TRNAU1AP: variants seen among roughly 807,000 people sequenced by gnomAD.
TRNAU1AP encodes the protein tRNA selenocysteine 1-associated protein 1.
TRNAU1AP carries 33 observed loss-of-function variants against 43.3 expected under a neutral mutation model. The ratio of observed to expected loss-of-function variants is 0.76; its 90% confidence interval spans 0.58 to 1.02. The LOEUF (loss-of-function observed/expected upper bound fraction) is 1.02. TRNAU1AP is among the 50% of genes least tolerant of loss of function. TRNAU1AP has a pLI of 0.00. For synonymous variants in TRNAU1AP, 143 were observed against 129.1 expected (o/e 1.11, Z -0.73); for missense variants, 290 against 362.7 (o/e 0.80, Z 1.63).
chr1:28,558,560 ATTTTTTTTTTT>A (rs756554853), intron 2 of TRNAU1AP, among the ~76,000 whole-genome samples: 1 of 88,336 alleles, frequency 1.1e-5, no homozygotes, highest in Non-Finnish European at 2.1e-5. Flanking sequence ...CGCCCGACTA[ATTTTTTTTTTT>A]TTTTTTTTTT....
chr1:28,570,277 C>T (rs947955585), intron 6 of TRNAU1AP, among the ~76,000 whole-genome samples: 1 of 151,774 alleles, frequency 6.6e-6, no homozygotes, highest in African/African-American at 2.4e-5. Flanking sequence ...AACAGAGTTT[C>T]ACTTTTATTG....
At chr1:28,572,329 G>A (rs914115199) in intron 8 of TRNAU1AP, among the ~76,000 whole-genome samples, 1 of 152,024 alleles carries the variant, frequency 6.6e-6, no homozygotes, top group Non-Finnish European at 1.5e-5. Context: ...GAGTAGCTGG[G>A]ATTACGGGCA....
intron 3 of TRNAU1AP, 30 bp downstream of exon 3, chr1:28,560,762 C>T: frequency 6.6e-7 from 1 of 1,521,938 alleles, no homozygotes; most frequent in South Asian, 1.1e-5. Context: ...GATGATGTTG[C>T]CATTATTATT....
intron 4 of TRNAU1AP, among the ~76,000 whole-genome samples, chr1:28,563,316 G>T (rs934990515): frequency 1.3e-5 from 2 of 152,008 alleles, no homozygotes; most frequent in African/African-American, 4.8e-5. Flanking sequence ...TTGGGAGGCT[G>T]AGACGGGCAG....
intron 4 of TRNAU1AP, among the ~76,000 whole-genome samples, chr1:28,561,987 AC>A (rs60135161): frequency 0.12 from 18,318 of 152,058 alleles, 2,634 homozygotes; most frequent in African/African-American, 0.35. Flanking sequence ...CAGGAGGCTC[AC>A]CTGAGCCCAG....
intron 5 of TRNAU1AP, among the ~76,000 whole-genome samples, chr1:28,566,056 C>A (rs1665529743): frequency 6.6e-6 from 1 of 152,194 alleles, no homozygotes; most frequent in Non-Finnish European, 1.5e-5. Context: ...GTGGCTCACG[C>A]CTGTAATCCC....
intron 5 of TRNAU1AP, among the ~76,000 whole-genome samples, chr1:28,566,086 G>C (rs932974336): frequency 1.3e-5 from 2 of 152,090 alleles, no homozygotes; most frequent in Non-Finnish European, 2.9e-5. Context: ...GGAGACAGGC[G>C]GGTGGATCAC....
chr1:28,573,491 T>C (rs796980728), intron 8 of TRNAU1AP, among the ~76,000 whole-genome samples: 14 of 150,652 alleles, frequency 9.3e-5, no homozygotes, highest in Non-Finnish European at 1.9e-4. Flanking sequence ...ATAAAAAAAT[T>C]GCCAGGCGCG....
intron 8 of TRNAU1AP, among the ~76,000 whole-genome samples, chr1:28,574,390 G>C (rs1377258204): frequency 6.6e-6 from 1 of 151,392 alleles, no homozygotes; most frequent in African/African-American, 2.4e-5. Context: ...GCCCGGCCAA[G>C]TATTTATAAT....
In TRNAU1AP at chr1:28,565,795, A is replaced by AAAAAAAAAG. The variant is rs766241740; in HGVS notation, c.410+967_410+968insAAGAAAAAA. The AAAAAAAAAG allele has an allele frequency of 2.0e-5, 3 of 150,798 alleles. 1 individual carries two copies. The highest frequency in any genetic ancestry group is 4.4e-5 in the Non-Finnish European group (3 of 67,828). 9.3% of individuals were successfully genotyped at this position (150,798 alleles called of 1,614,324 possible). On this transcript the variant is annotated intron_variant, in intron 5 of 8. Transcript: ENST00000373830. ...GAGCAAGATTCTGTCTCAAATAAAA[A>AAAAAAAAAG]AAAAAAGAAAAAATGGAAATCGAAG...
intron 8 of TRNAU1AP, 90 bp from the exon 9 acceptor site, chr1:28,577,410 A>G (rs1665815483): frequency 6.9e-7 from 1 of 1,459,316 alleles, no homozygotes; most frequent in Non-Finnish European, 9.4e-7. Context: ...GGACCTTACC[A>G]TAGAACAGAG....
At chr1:28,561,042 T>C in intron 3 of TRNAU1AP, 2 of 1,345,442 alleles carry the variant, frequency 1.5e-6, no homozygotes, top group African/African-American at 1.5e-5. Context: ...TCTTGCCTGA[T>C]TGGGAAACTA....
chr1:28,561,011 G>A (rs909405456), intron 3 of TRNAU1AP: 2 of 1,309,112 alleles, frequency 1.5e-6, no homozygotes, highest in Non-Finnish European at 9.8e-7. Flanking sequence ...TCCCATAACC[G>A]AAGACTTGAA....
chr1:28,575,225 A>AC (rs1665747699), intron 8 of TRNAU1AP, among the ~76,000 whole-genome samples: 2 of 150,298 alleles, frequency 1.3e-5, no homozygotes, highest in Admixed American at 6.6e-5. Context: ...CACGATCTCG[A>AC]CCCACTGTAA....
At chr1:28,557,349 G>C (rs1173906721) in intron 2 of TRNAU1AP, among the ~76,000 whole-genome samples, 1 of 151,516 alleles carries the variant, frequency 6.6e-6, no homozygotes, top group East Asian at 2.0e-4. Context: ...GAACCCGGGA[G>C]GTGGAGCTTG....
At chr1:28,563,511 C>T (rs1043519427) in intron 4 of TRNAU1AP, among the ~76,000 whole-genome samples, 2 of 151,934 alleles carry the variant, frequency 1.3e-5, no homozygotes, top group Non-Finnish European at 2.9e-5. Flanking sequence ...GGTGAAACCC[C>T]GTCTCTACTA....
intron 6 of TRNAU1AP, 54 bp from the exon 7 acceptor site, chr1:28,571,122 C>T: frequency 6.5e-7 from 1 of 1,546,006 alleles, no homozygotes; most frequent in African/African-American, 1.4e-5. Flanking sequence ...GCCACATAGG[C>T]AGTGTTACGG....
chr1:28,556,190 G>A (rs990671843), intron 2 of TRNAU1AP, among the ~76,000 whole-genome samples: 1 of 151,672 alleles, frequency 6.6e-6, no homozygotes, highest in African/African-American at 2.4e-5. Context: ...GGCTGGGCAC[G>A]GTAGCTCACA....
intron 8 of TRNAU1AP, among the ~76,000 whole-genome samples, chr1:28,572,587 A>C (rs1665685039): frequency 6.6e-6 from 1 of 152,026 alleles, no homozygotes. Context: ...ATATTTTAAA[A>C]GACATATTTT....
Sources: allele counts gnomAD v4.1 joint callset (sites outside exome capture counted in the v4.1 genomes callset), GRCh38; gene constraint gnomAD v4.1.1; transcripts MANE v1.5; gene names NCBI Gene and HGNC (gene_info 2026-07-23, HGNC 2026-07-21).